Variants in GPATCH2 observed in about 807,000 individuals in gnomAD.
GPATCH2 encodes the protein G-patch domain containing 2.
GPATCH2 carries 51 observed loss-of-function variants against 58.0 expected under a neutral mutation model. The ratio of observed to expected loss-of-function variants is 0.88; its 90% CI spans 0.70 to 1.11. The LOEUF (loss-of-function observed/expected upper bound fraction) is 1.11, where lower values mean the gene tolerates loss of function less well. GPATCH2 is among the 50% of genes most tolerant of loss of function. The probability of loss-of-function intolerance (pLI) is 0.00; values close to 1 mark genes in which losing one functional copy is unlikely to be tolerated. For synonymous variants in GPATCH2, 222 were observed against 218.5 expected (o/e 1.02, Z -0.14); for missense variants, 625 against 652.2 (o/e 0.96, Z 0.45).
intron 8 of GPATCH2, among the ~76,000 whole-genome samples, chr1:217,457,035 T>C (rs985828030): frequency 2.0e-5 from 3 of 152,122 alleles, no homozygotes; most frequent in African/African-American, 7.2e-5. Flanking sequence ...AAGCACGCAA[T>C]GAAAGATACA....
intron 5 of GPATCH2, chr1:217,608,987 C>T (rs1380719563): frequency 1.0e-6 from 1 of 980,118 alleles, no homozygotes; most frequent in African/African-American, 1.8e-5. Context: ...AAAGCAATGG[C>T]AACTTGAAGT....
chr1:217,539,199 T>C (rs1053241262), intron 5 of GPATCH2, among the ~76,000 whole-genome samples: 3 of 152,158 alleles, frequency 2.0e-5, no homozygotes, highest in African/African-American at 2.4e-5. Flanking sequence ...GATTCTAATA[T>C]ATTAAGGCTA....
chr1:217,464,818 A>C (rs755683900), intron 8 of GPATCH2, among the ~76,000 whole-genome samples: 7 of 152,212 alleles, frequency 4.6e-5, no homozygotes, highest in Non-Finnish European at 1.0e-4. Context: ...CCTTCTTAAA[A>C]GTACAGGAAA....
rs1217130794 is a variant in GPATCH2 at position 217,471,380 on chromosome 1, TAATA to T, written c.1277+20296_1277+20299del. 2.6e-5 allele frequency among the ~76,000 whole-genome samples: 4 copies of T among 152,282 alleles called. No homozygotes were observed. The East Asian group carries it at 5.8e-4, about 22-fold the overall frequency. On this transcript the variant is annotated intron_variant, in intron 8 of 9. Coordinates refer to ENST00000366935, the MANE Select transcript of GPATCH2 (RefSeq NM_018040.5). The stretch of plus-strand genomic sequence containing the variant: ...AACAGCTGCTCAAAAATGTCATAAT[TAATA>T]GTTTCATTTATTTTTGGCAAACCTG...
chr1:217,444,657 A>T (rs985717870), intron 9 of GPATCH2, among the ~76,000 whole-genome samples: 1 of 152,168 alleles, frequency 6.6e-6, no homozygotes. Context: ...ATGTGTCAAG[A>T]GGTGAAGAAT....
intron 1 of GPATCH2, among the ~76,000 whole-genome samples, chr1:217,623,763 G>A (rs532633009): frequency 2.0e-5 from 3 of 152,050 alleles, no homozygotes; most frequent in Admixed American, 1.3e-4. Flanking sequence ...TTAGGCTGGC[G>A]TGCTGGTGGG....
intron 8 of GPATCH2, among the ~76,000 whole-genome samples, chr1:217,489,039 A>T (rs998371316): frequency 6.6e-6 from 1 of 150,480 alleles, no homozygotes; most frequent in Admixed American, 6.6e-5. Context: ...GTATGATTCA[A>T]TTGTCTAATT....
At chr1:217,547,980 C>T (rs1665148573) in intron 5 of GPATCH2, among the ~76,000 whole-genome samples, 1 of 152,152 alleles carries the variant, frequency 6.6e-6, no homozygotes, top group Admixed American at 6.5e-5. Flanking sequence ...CATGGTAAAA[C>T]GTGCTTGCCT....
intron 9 of GPATCH2, among the ~76,000 whole-genome samples, chr1:217,447,739 G>C (rs1278390377): frequency 1.3e-5 from 2 of 152,160 alleles, no homozygotes; most frequent in East Asian, 3.8e-4. Flanking sequence ...TGCATTAGAA[G>C]TGCTCCAATT....
At chr1:217,438,086 G>A (rs1353834927) in intron 9 of GPATCH2, among the ~76,000 whole-genome samples, 1 of 152,144 alleles carries the variant, frequency 6.6e-6, no homozygotes, top group Non-Finnish European at 1.5e-5. Context: ...GTGACACCCA[G>A]GCAAACAGGG....
intron 1 of GPATCH2, among the ~76,000 whole-genome samples, chr1:217,622,346 G>C (rs990353886): frequency 2.0e-5 from 3 of 152,184 alleles, no homozygotes; most frequent in Non-Finnish European, 4.4e-5. Flanking sequence ...AAGTAACATG[G>C]CATTGCGGTT....
At chr1:217,458,510 T>C (rs1660060119) in intron 8 of GPATCH2, among the ~76,000 whole-genome samples, 1 of 152,272 alleles carries the variant, frequency 6.6e-6, no homozygotes, top group Admixed American at 6.5e-5. Context: ...GAATGTTGAA[T>C]GGGGTTTCTA....
At chr1:217,557,582 T>C (rs1665706917) in intron 5 of GPATCH2, among the ~76,000 whole-genome samples, 1 of 152,208 alleles carries the variant, frequency 6.6e-6, no homozygotes, top group South Asian at 2.1e-4. Flanking sequence ...TAAACCCACT[T>C]GGAATCAATT....
chr1:217,554,502 A>T (rs538785409), intron 5 of GPATCH2, among the ~76,000 whole-genome samples: 2 of 152,202 alleles, frequency 1.3e-5, no homozygotes, highest in Non-Finnish European at 2.9e-5. Flanking sequence ...GGAAAGAAAT[A>T]ATGAAACTAT....
At chr1:217,571,855 C>T (rs985172246) in intron 5 of GPATCH2, among the ~76,000 whole-genome samples, 2 of 151,498 alleles carry the variant, frequency 1.3e-5, no homozygotes, top group African/African-American at 4.9e-5. Context: ...GGGCCAAGAT[C>T]ACATCACTGC....
intron 5 of GPATCH2, among the ~76,000 whole-genome samples, chr1:217,585,899 T>A (rs10863326): frequency 0.3 from 45,252 of 151,980 alleles, 7,526 homozygotes; most frequent in East Asian, 0.68. Context: ...GCTACAAACC[T>A]CTACAGCATG....
chr1:217,459,067 A>AT (rs1660082699), intron 8 of GPATCH2, among the ~76,000 whole-genome samples: 1 of 152,218 alleles, frequency 6.6e-6, no homozygotes, highest in Non-Finnish European at 1.5e-5. Flanking sequence ...CACCATAACT[A>AT]TCATTGTCTC....
At chr1:217,578,118 C>G (rs978173671) in intron 5 of GPATCH2, among the ~76,000 whole-genome samples, 1 of 142,552 alleles carries the variant, frequency 7.0e-6, no homozygotes, top group Non-Finnish European at 1.5e-5. Context: ...AAGTACCAGG[C>G]AAATTTGATT....
chr1:217,437,416 A>T (rs940381583), intron 9 of GPATCH2, among the ~76,000 whole-genome samples: 1 of 152,172 alleles, frequency 6.6e-6, no homozygotes, highest in African/African-American at 2.4e-5. Context: ...GGTTGAAGCC[A>T]GGGAGCCAAG....
Sources: gnomAD v4.1 joint callset for allele counts (sites outside exome capture counted in the v4.1 genomes callset) on GRCh38, gnomAD v4.1.1 for gene constraint, MANE v1.5 for transcripts, NCBI Gene and HGNC (gene_info 2026-07-23, HGNC 2026-07-21) for gene names.